Variants in SLC30A8 observed in about 807,000 individuals in gnomAD.
SLC30A8 encodes the protein proton-coupled zinc antiporter SLC30A8.
A neutral mutation model predicts 36.9 loss-of-function variants in SLC30A8; 27 were observed. That is an observed-to-expected ratio of 0.73 (90% CI 0.54 to 1.01). The LOEUF is 1.01. SLC30A8 is among the 50% of genes least tolerant of loss of function. The pLI is 0.00. For synonymous variants in SLC30A8, 164 were observed against 172.4 expected, an observed-to-expected ratio of 0.95 and a Z score of 0.38; for missense variants, 439 against 452.0, an observed-to-expected ratio of 0.97 and a Z score of 0.26.
intron 2 of SLC30A8, among the ~76,000 whole-genome samples, chr8:117,090,018 G>C (rs1819041994): frequency 6.6e-6 from 1 of 152,042 alleles, no homozygotes; most frequent in Non-Finnish European, 1.5e-5. Flanking sequence ...TGTTGGCCAG[G>C]CTGGAGTGCA....
At chr8:117,135,818 G>T (rs1468796453) in intron 1 of SLC30A8, among the ~76,000 whole-genome samples, 2 of 151,802 alleles carry the variant, frequency 1.3e-5, no homozygotes, top group African/African-American at 2.4e-5. Flanking sequence ...TTGTTTTCAT[G>T]CTTATAAAGT....
chr8:117,047,826 C>A (rs905038988), intron 2 of SLC30A8, among the ~76,000 whole-genome samples: 7 of 152,190 alleles, frequency 4.6e-5, no homozygotes, highest in African/African-American at 1.7e-4. Flanking sequence ...GCTGATAAAA[C>A]AGCTTGCAGT....
intron 3 of SLC30A8, among the ~76,000 whole-genome samples, chr8:117,157,415 G>A (rs1238806067): frequency 6.6e-6 from 1 of 152,152 alleles, no homozygotes; most frequent in East Asian, 1.9e-4. Context: ...CAGGGGGTAG[G>A]GGCAGGCAGC....
chr8:116,984,736 G>A (rs891317190), intron 1 of SLC30A8, among the ~76,000 whole-genome samples: 1 of 151,948 alleles, frequency 6.6e-6, no homozygotes, highest in Non-Finnish European at 1.5e-5. Flanking sequence ...AGTTTTTAGA[G>A]TATATATTCT....
intron 2 of SLC30A8, among the ~76,000 whole-genome samples, chr8:117,151,916 A>T (rs1300843585): frequency 6.6e-6 from 1 of 152,228 alleles, no homozygotes; most frequent in Non-Finnish European, 1.5e-5. Context: ...AAGCTTGAAG[A>T]TTACTTTGCT....
upstream of SLC30A8, chr8:116,950,426 C>A (rs1378120586): frequency 1.3e-5 from 2 of 152,226 alleles, no homozygotes; most frequent in African/African-American, 2.4e-5. Context: ...CAATGCTCAC[C>A]CTCATTAAGG....
At chr8:117,113,456 A>T (rs1820317828) in intron 2 of SLC30A8, among the ~76,000 whole-genome samples, 1 of 152,176 alleles carries the variant, frequency 6.6e-6, no homozygotes, top group African/African-American at 2.4e-5. Context: ...AAATTGTTGC[A>T]AAAGTGTAAG....
intron 1 of SLC30A8, among the ~76,000 whole-genome samples, chr8:116,979,934 A>G (rs1357700843): frequency 6.6e-6 from 1 of 152,220 alleles, no homozygotes; most frequent in Non-Finnish European, 1.5e-5. Flanking sequence ...TTCCAAAGAA[A>G]CAGAAGCTTA....
intron 2 of SLC30A8, among the ~76,000 whole-genome samples, chr8:117,122,084 G>A (rs1484762990): frequency 6.6e-6 from 1 of 151,848 alleles, no homozygotes; most frequent in Non-Finnish European, 1.5e-5. Context: ...CCCTTTTTAT[G>A]TCATATTGCT....
At chr8:117,124,940 TAAAA>T (rs1820840134) in intron 2 of SLC30A8, among the ~76,000 whole-genome samples, 1 of 151,562 alleles carries the variant, frequency 6.6e-6, no homozygotes, top group African/African-American at 2.4e-5. Flanking sequence ...AAAGTTGAAA[TAAAA>T]AATCAGTAAA....
chr8:117,142,077 A>G (rs936380346), intron 1 of SLC30A8, among the ~76,000 whole-genome samples: 6 of 152,086 alleles, frequency 3.9e-5, no homozygotes, highest in African/African-American at 1.4e-4. Context: ...CAGCCTCTAT[A>G]CTGCACTGCC....
Position 117,063,941 on chromosome 8 carries a change from C to T in SLC30A8, c.-226+24683C>T, listed in dbSNP as rs539176823. Among the ~76,000 whole-genome samples the T allele has an allele frequency of 7.4e-4, 112 of 152,228 alleles. 1 individual carries two copies. The highest frequency in any genetic ancestry group is 2.4e-3 in the African/African-American group (99 of 41,552). The stretch of plus-strand genomic sequence containing the variant: ...TATTAAGAGATCCGAGAAAGGACCA[C>T]CTTTCATGATGGCTCCTTTCACTCT... On this transcript the variant is annotated intron_variant, in intron 2 of 10. Transcript: ENST00000427715.
chr8:116,990,935 TGAGACA>T (rs1293363070), intron 1 of SLC30A8, among the ~76,000 whole-genome samples: 1 of 152,000 alleles, frequency 6.6e-6, no homozygotes, highest in Non-Finnish European at 1.5e-5. Flanking sequence ...TGTGTGTGTC[TGAGACA>T]GAAAGACTGA....
upstream of SLC30A8, among the ~76,000 whole-genome samples, chr8:117,130,987 T>G (rs892663837): frequency 6.6e-6 from 1 of 152,046 alleles, no homozygotes; most frequent in African/African-American, 2.4e-5. Context: ...TCTTTTATTC[T>G]TTTAGTATCA....
chr8:117,016,301 C>T lies in SLC30A8; in HGVS notation c.-265-22918C>T, dbSNP rs1586401268. Among the ~76,000 whole-genome samples, 5 of 152,242 alleles carry T rather than the reference C, an allele frequency of 3.3e-5. No homozygotes were observed. The South Asian group carries it at 8.3e-4, about 25-fold the overall frequency. On this transcript the variant is annotated intron_variant, in intron 1 of 10. Transcript: ENST00000427715. ...ATGGACACCAATGGATAATAGAAGTCGATATTGAATCAAAGAGTTTTTGAG... is the reference window on the plus strand; with the variant it reads ...ATGGACACCAATGGATAATAGAAGTTGATATTGAATCAAAGAGTTTTTGAG...
In SLC30A8 at chr8:116,954,000, G is replaced by A. The variant is rs531432197; in HGVS notation, c.-266+2881G>A. On this transcript the variant is annotated intron_variant, in intron 1 of 10. Transcript: ENST00000427715. ...TTTAGGGCCAGCAAATAGGTCAGAC[G>A]ATAAGAGACTGGAGTAGGGTGGTGT... is the stretch of plus-strand genomic sequence containing the variant. Among the ~76,000 whole-genome samples, 10 of 152,052 alleles carry A rather than the reference G, an allele frequency of 6.6e-5. No homozygotes were observed. The South Asian group carries it at 1.9e-3, about 28-fold the overall frequency.
chr8:116,999,368 G>C (rs962976784), intron 1 of SLC30A8, among the ~76,000 whole-genome samples: 3 of 152,180 alleles, frequency 2.0e-5, no homozygotes, highest in African/African-American at 7.2e-5. Flanking sequence ...AACGATAGAG[G>C]AAAGCAGGCA....
chr8:117,046,021 C>T (rs1817539999), intron 2 of SLC30A8, among the ~76,000 whole-genome samples: 1 of 151,458 alleles, frequency 6.6e-6, no homozygotes, highest in Non-Finnish European at 1.5e-5. Context: ...CTGTCAACAT[C>T]CTTGTGACAG....
At chr8:117,035,410 A>G (rs1247466481) in intron 1 of SLC30A8, among the ~76,000 whole-genome samples, 1 of 152,256 alleles carries the variant, frequency 6.6e-6, no homozygotes, top group Non-Finnish European at 1.5e-5. Context: ...TTAAAGCTCC[A>G]AAATGATCTC....
Sources: allele counts gnomAD v4.1 joint callset (sites outside exome capture counted in the v4.1 genomes callset), GRCh38; gene constraint gnomAD v4.1.1; transcripts MANE v1.5; gene names NCBI Gene and HGNC (gene_info 2026-07-23, HGNC 2026-07-21).